Variants in AK9 observed in about 807,000 individuals in gnomAD.
AK9 encodes the protein adenylate kinase domain containing 1.
A neutral mutation model predicts 239.6 loss-of-function variants in AK9; 191 were observed. The observed-to-expected ratio is 0.80, with a 90% confidence interval of 0.71 to 0.90. AK9 has a LOEUF of 0.90. Among genes scored for constraint, AK9 ranks in the 40% least tolerant of loss-of-function variants. The pLI, the probability that AK9 is intolerant of heterozygous loss-of-function variation, is 0.00. For synonymous variants in AK9, 689 were observed against 721.0 expected (o/e 0.96, Z 0.71); for missense variants, 1,995 against 2,214.7 (o/e 0.90, Z 1.99).
At chr6:109,649,632 T>C (rs1023637314) in intron 8 of AK9, among the ~76,000 whole-genome samples, 2 of 152,138 alleles carry the variant, frequency 1.3e-5, no homozygotes, top group Non-Finnish European at 2.9e-5. Flanking sequence ...GTAGGAACAA[T>C]CAATATCGTG....
At chr6:109,589,905 G>A (rs986259192) in intron 17 of AK9, among the ~76,000 whole-genome samples, 31 of 152,058 alleles carry the variant, frequency 2.0e-4, no homozygotes, top group African/African-American at 5.3e-4. Flanking sequence ...TTGCATCTCT[G>A]GAATAAAATC....
At chr6:109,516,122 C>A in intron 30 of AK9, 47 bp from the exon 31 acceptor site, 1 of 1,458,758 alleles carries the variant, frequency 6.9e-7, no homozygotes, top group Non-Finnish European at 9.3e-7. Context: ...GAGAAAAAGG[C>A]TGGTAGTATT....
At chr6:109,587,399 G>A (rs540107007) in intron 17 of AK9, among the ~76,000 whole-genome samples, 2 of 152,214 alleles carry the variant, frequency 1.3e-5, no homozygotes, top group African/African-American at 4.8e-5. Context: ...GGTTACAAGT[G>A]CAATTTTGCT....
chr6:109,611,198 G>T (rs1277485913), intron 16 of AK9, among the ~76,000 whole-genome samples: 5 of 152,156 alleles, frequency 3.3e-5, no homozygotes, highest in Non-Finnish European at 7.3e-5. Flanking sequence ...GAGCCAGACT[G>T]ATCCCAACCC....
At chr6:109,579,308 C>T (rs1788521497) in intron 20 of AK9, 1 of 410,142 alleles carries the variant, frequency 2.4e-6, no homozygotes, top group Non-Finnish European at 4.4e-6. Flanking sequence ...GAGTAGGTAT[C>T]TCTGTCAAGA....
intron 17 of AK9, among the ~76,000 whole-genome samples, chr6:109,596,391 C>T (rs1257732749): frequency 1.3e-5 from 2 of 152,184 alleles, no homozygotes; most frequent in Non-Finnish European, 1.5e-5. Flanking sequence ...ATCTGCTGCC[C>T]CAAGTTCTCT....
At chr6:109,543,871 C>A (rs1361902689) in intron 26 of AK9, among the ~76,000 whole-genome samples, 1 of 152,068 alleles carries the variant, frequency 6.6e-6, no homozygotes, top group Non-Finnish European at 1.5e-5. Context: ...GTAATCCCAG[C>A]ATTTTGGGAG....
intron 7 of AK9, 91 bp downstream of exon 7, chr6:109,659,137 C>T: frequency 7.4e-7 from 1 of 1,354,946 alleles, no homozygotes; most frequent in Non-Finnish European, 9.7e-7. Context: ...TGTATAGCAT[C>T]TACTATTTCC....
At chr6:109,590,697 G>A (rs1051789289) in intron 17 of AK9, among the ~76,000 whole-genome samples, 7 of 151,966 alleles carry the variant, frequency 4.6e-5, no homozygotes, top group Non-Finnish European at 7.4e-5. Flanking sequence ...TTTGCTGTAC[G>A]TCAAATGCTT....
chr6:109,666,836 G>A (rs533683595), intron 5 of AK9, among the ~76,000 whole-genome samples: 1 of 141,036 alleles, frequency 7.1e-6, no homozygotes, highest in East Asian at 1.9e-4. Context: ...CTACCCATCT[G>A]ACCTCAGACC....
intron 1 of AK9, among the ~76,000 whole-genome samples, chr6:109,687,144 T>G (rs1361423263): frequency 1.3e-5 from 2 of 152,082 alleles, no homozygotes; most frequent in African/African-American, 4.8e-5. Flanking sequence ...AAATGGTGAT[T>G]AGGGGAAATC....
At position 109,672,095 on chromosome 6, in the gene AK9, T is replaced by C; in HGVS notation, c.234+20A>G. ...GCTTTTTTTGTAATCATAGTTACTT[T>C]GAAATTTAGGTTTGTTTACCATAAC... On this transcript the variant is annotated intron_variant, in intron 4 of 40. Transcript: ENST00000424296. The C allele has an allele frequency of 3.1e-6, 5 of 1,613,236 alleles. No homozygotes were observed. Among genetic ancestry groups the C allele is most frequent in the Non-Finnish European group, 4.2e-6 (5 of 1,179,532 alleles).
intron 33 of AK9, among the ~76,000 whole-genome samples, chr6:109,508,160 G>T (rs930913724): frequency 6.6e-6 from 1 of 152,148 alleles, no homozygotes; most frequent in Non-Finnish European, 1.5e-5. Flanking sequence ...CTAGGCACTG[G>T]CCTACAATTC....
intron 25 of AK9, chr6:109,549,657 A>ATTTTTTTTTTTTTTTTTTTTTTTTTT (rs1491473032): frequency 1.6e-5 from 2 of 122,352 alleles, no homozygotes. Context: ...TTGAACTTAG[A>ATTTTTTTTTTTTTTTTTTTTTTTTTT]TATTTTCTTT....
Position 109,675,608 on chromosome 6 carries a change from AAAT to A in AK9, c.117+18_117+20del. On this transcript the variant is annotated intron_variant, in intron 2 of 40. Transcript: ENST00000424296. ...TTTTAAAAATAAAAAAAATTATACC[AAAT>A]AATAAGAGATAACTTACTGGTTTCC... The A allele has an allele frequency of 7.5e-7, 1 of 1,332,484 alleles. No homozygotes were observed. The highest frequency in any genetic ancestry group is 1.0e-6 in the Non-Finnish European group (1 of 997,822). The allele number at this position is 1,332,484 out of a possible 1,614,324, so 82.5% of individuals were successfully genotyped here.
At chr6:109,658,132 T>A (rs1014484743) in intron 7 of AK9, among the ~76,000 whole-genome samples, 2 of 152,232 alleles carry the variant, frequency 1.3e-5, no homozygotes, top group African/African-American at 4.8e-5. Context: ...AGTAGCTTCA[T>A]AGATAAATCT....
In AK9 at chr6:109,585,129, T is replaced by G. The variant is rs73519211; in HGVS notation, c.2108A>C (p.Glu703Ala). The change falls in exon 19 of 41, where the codon GAA (glutamate) becomes GCA (alanine). Residue 703 changes from glutamate (E) to alanine (A), a missense_variant. Physicochemically the swap from Glu to Ala is moderately radical, Grantham distance 107. Around this residue, in one of 5 missense-constraint regions of AK9, gnomAD observed 1,290 missense variants for 1,392.7 expected, o/e 0.93. Transcript: ENST00000424296. ...CATTCTAGGCAGATTTTACCTTGCT[T>G]CTTCTTCTTCTTTTTTTTTCTTTTG... ...ELQKKKKEEE[E>A]ARKATEEELR... The G allele has an allele frequency of 4.3e-3, 2,011 of 464,988 alleles. 39 individuals are homozygous for G. In the African/African-American group the frequency reaches 0.047, roughly 11 times the overall value. The allele number at this position is 464,988 out of a possible 1,614,324, so 28.8% of individuals were successfully genotyped here.
chr6:109,597,602 G>C (rs558141634), intron 17 of AK9, among the ~76,000 whole-genome samples: 1 of 152,152 alleles, frequency 6.6e-6, no homozygotes, highest in African/African-American at 2.4e-5. Context: ...GAACCTGGGA[G>C]GCGGAGCTTG....
chr6:109,641,405 C>A, intron 10 of AK9, 113 bp downstream of exon 10: 2 of 586,194 alleles, frequency 3.4e-6, no homozygotes, highest in Non-Finnish European at 2.8e-6. Context: ...CCAGGCTGGT[C>A]TCAGACTCCT....
Sources: allele counts gnomAD v4.1 joint callset (sites outside exome capture counted in the v4.1 genomes callset), GRCh38; gene constraint gnomAD v4.1.1; regional missense constraint gnomAD v4.1.1; transcripts MANE v1.5; gene names NCBI Gene and HGNC (gene_info 2026-07-23, HGNC 2026-07-21).